Variants in RAB9B observed in about 807,000 individuals in gnomAD.
RAB9B encodes RAB9B, member RAS oncogene family, also known as ras-related protein Rab-9B.
A neutral mutation model predicts 8.9 loss-of-function variants in RAB9B; 1 was observed. The observed-to-expected ratio is 0.11, with a 90% confidence interval of 0.04 to 0.53. The LOEUF (loss-of-function observed/expected upper bound fraction) is 0.53. RAB9B is among the 20% of genes least tolerant of loss of function. The pLI is 0.93. For missense variants in RAB9B, 82 were observed against 152.9 expected (o/e 0.54, Z 2.45); for synonymous variants, 63 against 57.0 (o/e 1.10, Z -0.47).
At position 103,825,084 on chromosome X, in the gene RAB9B, C is replaced by T. The variant is rs2074678141; in HGVS notation, c.*95G>A. On this transcript the variant is annotated 3_prime_UTR_variant, in exon 3 of 3. Coordinates refer to ENST00000243298, the MANE Select transcript of RAB9B (RefSeq NM_016370.4). ...CAATCAGAACCTTGTCTCTTACCCTCTTGTGTGCGTGTGTGTGCACTCTTA... is the reference window on the plus strand; with the variant it reads ...CAATCAGAACCTTGTCTCTTACCCTTTTGTGTGCGTGTGTGTGCACTCTTA... The T allele has an allele frequency of 2.2e-6, 2 of 925,129 alleles. No homozygotes were observed. Among genetic ancestry groups the T allele is most frequent in the Non-Finnish European group, 3.0e-6 (2 of 671,391 alleles). The allele number at this position is 925,129 out of a possible 1,213,427, so 76.2% of individuals were successfully genotyped here. A position where few individuals can be genotyped will look rare whatever the true frequency, so the allele number is the denominator to read the frequency against.
At chrX:103,786,975 T>C in the RAB9B span, 1 of 420,354 alleles carries the variant, frequency 2.4e-6, no homozygotes, top group South Asian at 3.5e-5. Flanking sequence ...TGGGATGCTT[T>C]GTACAATCAG....
rs1416148426 is a variant in RAB9B at position 103,825,310 on chromosome X, T to C, written c.475A>G (p.Thr159Ala). The C allele has an allele frequency of 2.4e-5, 29 of 1,209,849 alleles. No homozygotes were observed. Among genetic ancestry groups the C allele is most frequent in the Non-Finnish European group, 3.1e-5 (28 of 895,256 alleles). ...TCTTCAAAGGCCACTGTCACATTAG[T>C]ATCATCTTTGGCACTAGTTTCTAAA... ...PYLETSAKDD[T>A]NVTVAFEEAV... The change falls in exon 3 of 3, where the codon ACT (threonine) becomes GCT (alanine). Residue 159 changes from threonine (T) to alanine (A), a missense_variant. Transcript: ENST00000243298.
chrX:103,788,998 TC>T, the RAB9B span: 2 of 337,911 alleles, frequency 5.9e-6, no homozygotes, highest in Admixed American at 9.4e-5. Flanking sequence ...TAAAAGTAAA[TC>T]CGGGGGAGAC....
the RAB9B span, among the ~76,000 whole-genome samples, chrX:103,779,672 C>A: frequency 8.9e-6 from 1 of 111,852 alleles, no homozygotes; most frequent in Admixed American, 9.5e-5. Flanking sequence ...GCTAGGAAAG[C>A]CAGAAGTTTA....
In RAB9B at chrX:103,823,534, C is replaced by T. The variant is rs139184567; in HGVS notation, c.*1645G>A. ...TGTATTCCTATGAAAGCTCCCACCC[C>T]CTTCCTGGCCTAGGTCTCTTTTTGG... is the stretch of plus-strand genomic sequence containing the variant. On this transcript the variant is annotated 3_prime_UTR_variant, in exon 3 of 3. Transcript: ENST00000243298. 9 of 111,499 alleles carry T rather than the reference C, an allele frequency of 8.1e-5. No individual in the cohort carries two copies. The highest frequency in any genetic ancestry group is 2.6e-4 in the African/African-American group (8 of 30,637). The allele number at this position is 111,499 out of a possible 1,213,427, so 9.2% of individuals were successfully genotyped here. A position where few individuals can be genotyped will look rare whatever the true frequency, so the allele number is the denominator to read the frequency against.
At chrX:103,817,209 A>G in the RAB9B span, among the ~76,000 whole-genome samples, 1 of 112,211 alleles carries the variant, frequency 8.9e-6, no homozygotes, top group African/African-American at 3.2e-5. Flanking sequence ...GACTGGATTA[A>G]GAAGATGTGG....
chrX:103,807,367 A>G, the RAB9B span, among the ~76,000 whole-genome samples: 44 of 111,324 alleles, frequency 4.0e-4, 1 homozygote, highest in Admixed American at 4.1e-3. Flanking sequence ...CTACTCTTTA[A>G]AAAGGCAATT....
chrX:103,829,301 G>A (rs753091301), intron 1 of RAB9B, among the ~76,000 whole-genome samples: 1 of 111,886 alleles, frequency 8.9e-6, no homozygotes, highest in Non-Finnish European at 1.9e-5. Context: ...AGGGTCTTCT[G>A]GTCCAATCTT....
In RAB9B at chrX:103,825,449, C is replaced by T. The variant is rs185921205; in HGVS notation, c.336G>A (p.Lys112=). 38 of 1,209,959 alleles carry T rather than the reference C, an allele frequency of 3.1e-5. No individual in the cohort carries two copies. In the African/African-American group the frequency reaches 5.6e-4, roughly 18 times the overall value. ...QKEFIYYADV[K]DPEHFPFVVL... is the part of the protein sequence containing the mutation. ...CTACAAAGGGGAAATGCTCAGGGTCCTTCACATCCGCATAGTAAATAAATT... is the reference window on the plus strand; with the variant it reads ...CTACAAAGGGGAAATGCTCAGGGTCTTTCACATCCGCATAGTAAATAAATT... Residue 112 remains lysine (K), a synonymous_variant, in exon 3 of 3, where the codon AAG becomes AAA. Coordinates refer to ENST00000243298, the MANE Select transcript of RAB9B (RefSeq NM_016370.4).
chrX:103,806,574 T>C, the RAB9B span, among the ~76,000 whole-genome samples: 1 of 112,012 alleles, frequency 8.9e-6, no homozygotes, highest in African/African-American at 3.2e-5. Context: ...TACTGCTGTT[T>C]GGGGGTAGAG....
the RAB9B span, among the ~76,000 whole-genome samples, chrX:103,799,010 C>G: frequency 7.4e-5 from 8 of 108,386 alleles, no homozygotes; most frequent in East Asian, 2.0e-3. Flanking sequence ...TAAACATGCC[C>G]TGTTACTTTA....
intron 2 of RAB9B, among the ~76,000 whole-genome samples, chrX:103,826,219 G>C (rs1435680229): frequency 8.9e-6 from 1 of 112,092 alleles, no homozygotes; most frequent in East Asian, 2.8e-4. Context: ...CTTGGGGTTT[G>C]AAGTCTGCTC....
chrX:103,820,951 A>AAC (rs777837640), downstream of RAB9B, among the ~76,000 whole-genome samples: 1,049 of 53,255 alleles, frequency 0.02, 25 homozygotes, highest in Non-Finnish European at 0.026. Context: ...CCCTGTCTCA[A>AAC]ACACACACAC....
chrX:103,813,920 C>T, the RAB9B span, among the ~76,000 whole-genome samples: 1 of 109,974 alleles, frequency 9.1e-6, no homozygotes, highest in Non-Finnish European at 1.9e-5. Flanking sequence ...AATACAGGAG[C>T]ACCCTGATTC....
At chrX:103,801,966 C>T in the RAB9B span, among the ~76,000 whole-genome samples, 1 of 111,394 alleles carries the variant, frequency 9.0e-6, no homozygotes, top group Admixed American at 9.6e-5. Flanking sequence ...CTTGGAACAC[C>T]TAGTCTCTAC....
the RAB9B span, among the ~76,000 whole-genome samples, chrX:103,811,514 A>G: frequency 1.8e-5 from 2 of 112,020 alleles, no homozygotes; most frequent in African/African-American, 6.5e-5. Context: ...TAATAGTGAC[A>G]TGTGGAAATG....
chrX:103,828,221 G>A (rs996667981), intron 1 of RAB9B, among the ~76,000 whole-genome samples: 3 of 110,987 alleles, frequency 2.7e-5, no homozygotes, highest in Non-Finnish European at 3.8e-5. Flanking sequence ...TTATAATAAG[G>A]ATTCATTAGA....
chrX:103,782,712 A>G, the RAB9B span, among the ~76,000 whole-genome samples: 1 of 111,912 alleles, frequency 8.9e-6, no homozygotes, highest in African/African-American at 3.3e-5. Context: ...TAGGCCCAAG[A>G]TGGTCACTTG....
At chrX:103,818,971 A>G (rs1289248156), downstream of RAB9B, among the ~76,000 whole-genome samples, 1 of 111,515 alleles carries the variant, frequency 9.0e-6, no homozygotes, top group Non-Finnish European at 1.9e-5. Flanking sequence ...GGAAAAAGAG[A>G]GAACTCAGAG....
Sources: gnomAD v4.1 joint callset for allele counts (sites outside exome capture counted in the v4.1 genomes callset) on GRCh38, gnomAD v4.1.1 for gene constraint, MANE v1.5 for transcripts, NCBI Gene and HGNC (gene_info 2026-07-23, HGNC 2026-07-21) for gene names.